Variants in SLC24A3 observed in about 807,000 individuals in gnomAD.
SLC24A3 encodes sodium/potassium/calcium exchanger 3.
SLC24A3 carries 28 observed loss-of-function variants against 75.8 expected under a neutral mutation model. The observed-to-expected ratio is 0.37, with a 90% confidence interval of 0.27 to 0.51. The LOEUF (loss-of-function observed/expected upper bound fraction) is 0.51, where lower values mean the gene tolerates loss of function less well. Ranked by LOEUF, SLC24A3 falls within the 20% of genes least tolerant of loss-of-function variation. SLC24A3 has a pLI of 0.94. For missense variants in SLC24A3, 663 were observed against 847.8 expected (o/e 0.78, Z 2.71); for synonymous variants, 372 against 334.1 (o/e 1.11, Z -1.24).
intron 6 of SLC24A3, among the ~76,000 whole-genome samples, chr20:19,600,070 G>C (rs944305430): frequency 6.6e-6 from 1 of 152,148 alleles, no homozygotes; most frequent in Non-Finnish European, 1.5e-5. Context: ...GGCCCGTGGG[G>C]GTCATTCTGA....
At chr20:19,489,529 A>G (rs959149279) in intron 2 of SLC24A3, among the ~76,000 whole-genome samples, 5 of 152,198 alleles carry the variant, frequency 3.3e-5, no homozygotes, top group Non-Finnish European at 7.3e-5. Flanking sequence ...TTTGATAAGT[A>G]CTATTCTAAA....
chr20:19,353,133 A>G (rs1211814568), intron 2 of SLC24A3, among the ~76,000 whole-genome samples: 4 of 152,236 alleles, frequency 2.6e-5, no homozygotes, highest in Admixed American at 2.6e-4. Flanking sequence ...AGGTTTGTGT[A>G]AGTATGCTCT....
At chr20:19,618,636 C>G (rs1048588784) in intron 6 of SLC24A3, among the ~76,000 whole-genome samples, 1 of 152,190 alleles carries the variant, frequency 6.6e-6, no homozygotes, top group African/African-American at 2.4e-5. Context: ...ACTAGGTGAC[C>G]TTAACCAAGT....
At chr20:19,223,621 A>G (rs4813350) in intron 1 of SLC24A3, among the ~76,000 whole-genome samples, 23,609 of 152,246 alleles carry the variant, frequency 0.16, 3,452 homozygotes, top group East Asian at 0.8. Context: ...ATAACTAACA[A>G]TAAAATAGAA....
chr20:19,705,628 G>T (rs542229648), intron 15 of SLC24A3, among the ~76,000 whole-genome samples: 9 of 152,228 alleles, frequency 5.9e-5, no homozygotes, highest in Admixed American at 5.9e-4. Flanking sequence ...CTGCATCTCT[G>T]ACATCAGAAC....
chr20:19,277,057 A>G (rs1983511573), intron 1 of SLC24A3, among the ~76,000 whole-genome samples: 1 of 152,248 alleles, frequency 6.6e-6, no homozygotes, highest in African/African-American at 2.4e-5. Context: ...TATAAGGTGC[A>G]GGCTGCATTA....
intron 6 of SLC24A3, among the ~76,000 whole-genome samples, chr20:19,588,388 C>A (rs1236459264): frequency 1.3e-5 from 2 of 152,150 alleles, no homozygotes; most frequent in African/African-American, 4.8e-5. Context: ...TGGAGGGTTG[C>A]ACATGACCAA....
chr20:19,296,286 T>TTTTC (rs58588987), intron 2 of SLC24A3, among the ~76,000 whole-genome samples: 2 of 144,718 alleles, frequency 1.4e-5, no homozygotes, highest in East Asian at 4.0e-4. Context: ...TTTTTTTTTT[T>TTTTC]CAAAAAAAAA....
At chr20:19,353,833 A>C (rs1212879357) in intron 2 of SLC24A3, among the ~76,000 whole-genome samples, 1 of 152,246 alleles carries the variant, frequency 6.6e-6, no homozygotes, top group Non-Finnish European at 1.5e-5. Context: ...AGTCTTGTCA[A>C]GGATGTGAAG....
intron 2 of SLC24A3, among the ~76,000 whole-genome samples, chr20:19,500,800 C>A (rs116349732): frequency 0.011 from 1,657 of 152,270 alleles, 41 homozygotes; most frequent in African/African-American, 0.038. Flanking sequence ...ACATGGTAAA[C>A]CACTCCTCGT....
Position 19,685,131 on chromosome 20 carries a change from C to T in SLC24A3, c.1094C>T (p.Thr365Ile). The T allele has an allele frequency of 6.2e-7, 1 of 1,613,380 alleles. No individual in the cohort carries two copies. Among genetic ancestry groups the T allele is most frequent in the Non-Finnish European group, 8.5e-7 (1 of 1,179,402 alleles). ...RQRLINSRAYTNGESEVAIKI... is the reference protein window; with the variant it reads ...RQRLINSRAYINGESEVAIKI... ...AGATTGATAAACAGCAGGGCTTATA[C>T]CAACGGGGAATCTGAGGTGGCCATC... The change falls in exon 12 of 17, where the codon ACC becomes ATC. Residue 365 changes from threonine (T) to isoleucine (I), a missense_variant. Physicochemically the swap from Thr to Ile is moderately conservative, Grantham distance 89. Around this residue, in one of 2 missense-constraint regions of SLC24A3, gnomAD observed 510 missense variants for 703.6 expected, o/e 0.72. Coordinates refer to ENST00000328041, the MANE Select transcript of SLC24A3 (RefSeq NM_020689.4).
intron 1 of SLC24A3, among the ~76,000 whole-genome samples, chr20:19,225,238 G>T (rs1981840429): frequency 6.6e-6 from 1 of 152,136 alleles, no homozygotes. Context: ...GTGATTTGAA[G>T]ATACTTCCAA....
chr20:19,275,221 A>C (rs909233161), intron 1 of SLC24A3, among the ~76,000 whole-genome samples: 1 of 152,204 alleles, frequency 6.6e-6, no homozygotes, highest in Non-Finnish European at 1.5e-5. Flanking sequence ...GCTCTGGGAC[A>C]GGTGAGAAAC....
intron 2 of SLC24A3, among the ~76,000 whole-genome samples, chr20:19,493,415 G>C (rs1988235093): frequency 6.6e-6 from 1 of 152,174 alleles, no homozygotes; most frequent in African/African-American, 2.4e-5. Flanking sequence ...ATTTACTGAT[G>C]AATGCAACAC....
intron 2 of SLC24A3, among the ~76,000 whole-genome samples, chr20:19,407,365 C>G (rs1986666210): frequency 6.6e-6 from 1 of 152,200 alleles, no homozygotes; most frequent in Admixed American, 6.5e-5. Context: ...GTCCTCATTC[C>G]TGTCTTCCTC....
At chr20:19,290,193 A>G (rs1187015835) in intron 2 of SLC24A3, among the ~76,000 whole-genome samples, 2 of 152,122 alleles carry the variant, frequency 1.3e-5, no homozygotes, top group African/African-American at 4.8e-5. Flanking sequence ...AGGCACACTC[A>G]AGTGTGAGGA....
intron 2 of SLC24A3, among the ~76,000 whole-genome samples, chr20:19,497,992 A>T (rs996190008): frequency 1.3e-5 from 2 of 152,126 alleles, no homozygotes; most frequent in African/African-American, 4.8e-5. Flanking sequence ...GCCACTCCCC[A>T]CGGCTCACGT....
chr20:19,585,645 T>C, intron 6 of SLC24A3, 101 bp downstream of exon 6: 1 of 1,157,462 alleles, frequency 8.6e-7, no homozygotes, highest in Non-Finnish European at 1.3e-6. Flanking sequence ...ACAACTTGCA[T>C]TAGGGCCCAG....
At chr20:19,602,878 G>A (rs1216555475) in intron 6 of SLC24A3, among the ~76,000 whole-genome samples, 1 of 152,200 alleles carries the variant, frequency 6.6e-6, no homozygotes, top group Non-Finnish European at 1.5e-5. Context: ...TGTCCGGCAA[G>A]CAGACCACTC....
Sources: allele counts gnomAD v4.1 joint callset (sites outside exome capture counted in the v4.1 genomes callset), GRCh38; gene constraint gnomAD v4.1.1; regional missense constraint gnomAD v4.1.1; transcripts MANE v1.5; gene names NCBI Gene and HGNC (gene_info 2026-07-23, HGNC 2026-07-21).